The following PRPF18 variants were observed in gnomAD, a reference collection of about 807,000 sequenced individuals.
PRPF18 encodes pre-mRNA-splicing factor 18.
In PRPF18, 38 loss-of-function variants were observed where a neutral mutation model predicts 46.5. That is an observed-to-expected ratio of 0.82 (90% confidence interval 0.63 to 1.07). The LOEUF (loss-of-function observed/expected upper bound fraction) is 1.07. Among genes scored for constraint, PRPF18 ranks in the 50% least tolerant of loss-of-function variants. The probability of loss-of-function intolerance (pLI) is 0.00; values close to 1 mark genes in which losing one functional copy is unlikely to be tolerated. For synonymous variants in PRPF18, 152 were observed against 146.7 expected, an observed-to-expected ratio of 1.04 and a Z score of -0.26; for missense variants, 263 against 410.0, an observed-to-expected ratio of 0.64 and a Z score of 3.10.
chr10:13,609,990 G>A (rs868762707), intron 4 of PRPF18, 49 bp from the exon 5 acceptor site: 1 of 1,504,990 alleles, frequency 6.6e-7, no homozygotes, highest in Non-Finnish European at 9.1e-7. Flanking sequence ...GAAAAAACAG[G>A]TGTTCTTCCT....
chr10:13,588,576 TAAAAAA>T, intron 1 of PRPF18, among the ~76,000 whole-genome samples: 1 of 127,308 alleles, frequency 7.9e-6, no homozygotes, highest in South Asian at 2.5e-4. Context: ...TCCCTGTCTC[TAAAAAA>T]AAAAAAAAAA....
Position 13,626,823 on chromosome 10 carries a change from A to G in PRPF18, c.949-3437A>G, listed in dbSNP as rs1157459158. On this transcript the variant is annotated intron_variant, in intron 9 of 9. Coordinates refer to ENST00000378572, the MANE Select transcript of PRPF18 (RefSeq NM_003675.4). The stretch of plus-strand genomic sequence containing the variant: ...GTGTGATTTTTTTTTTTTCCCCTCA[A>G]ACAGTGTACACAGAAAACCCGGAAT... 2.0e-5 allele frequency among the ~76,000 whole-genome samples: 3 copies of G among 151,624 alleles called. No homozygotes were observed. The East Asian group carries it at 5.8e-4, about 29-fold the overall frequency.
the PRPF18 span, chr10:13,644,268 A>G: frequency 4.7e-4 from 71 of 152,352 alleles, 1 homozygote; most frequent in African/African-American, 1.7e-3. Flanking sequence ...ATATCAGACC[A>G]AGGACTTCGT....
Position 13,616,364 on chromosome 10 carries a change from G to A in PRPF18, c.793-34G>A, listed in dbSNP as rs374566086. 4.7e-5 allele frequency: 74 copies of A among 1,564,348 alleles called. 1 individual carries two copies. In the Middle Eastern group the frequency reaches 5.1e-4, roughly 11 times the overall value. ...GAATTTGAGCCAGTACAACATTTTC[G>A]CCTTTCTGATTTCTTCTTACACTTT... On this transcript the variant is annotated intron_variant, in intron 8 of 9. Coordinates refer to ENST00000378572, the MANE Select transcript of PRPF18 (RefSeq NM_003675.4).
chr10:13,609,549 G>A (rs982135951), intron 4 of PRPF18, among the ~76,000 whole-genome samples: 4 of 152,184 alleles, frequency 2.6e-5, no homozygotes, highest in African/African-American at 4.8e-5. Flanking sequence ...TGCATAAAAT[G>A]CGAATTTGCT....
the PRPF18 span, among the ~76,000 whole-genome samples, chr10:13,650,006 A>AGAATCTGT: frequency 6.6e-6 from 1 of 152,266 alleles, no homozygotes; most frequent in East Asian, 1.9e-4. Context: ...TGGTGACTTC[A>AGAATCTGT]GAATCTGTGG....
the PRPF18 span, chr10:13,654,356 C>G: frequency 9.4e-7 from 1 of 1,064,970 alleles, no homozygotes. Context: ...TCACCAGGAT[C>G]TGAACGTCTA....
At chr10:13,630,139 A>G in intron 9 of PRPF18, 121 bp from the exon 10 acceptor site, 1 of 765,524 alleles carries the variant, frequency 1.3e-6, no homozygotes, top group East Asian at 2.6e-5. Flanking sequence ...ATCTGAGTGA[A>G]TTTGCTTGGG....
rs763324655 is a variant in PRPF18 at position 13,616,418 on chromosome 10, G to T, written c.813G>T (p.Gln271His). 6.2e-7 allele frequency: 1 copy of T among 1,610,360 alleles called. No individual in the cohort carries two copies. Among genetic ancestry groups the T allele is most frequent in the Non-Finnish European group, 8.5e-7 (1 of 1,177,704 alleles). The change falls in exon 9 of 10, where the codon CAG becomes CAT. Residue 271 changes from glutamine (Q) to histidine (H), a missense_variant. Transcript: ENST00000378572. Reference protein sequence around the residue: ...EYVKANDAYLQMAIGNAPWPI... With the variant: ...EYVKANDAYLHMAIGNAPWPI... ...TTCAGGCAAATGATGCTTATCTTCA[G>T]ATGGCCATTGGAAATGCGCCTTGGC... is the stretch of plus-strand genomic sequence containing the variant.
chr10:13,623,269 A>G (rs2080447140), intron 9 of PRPF18, among the ~76,000 whole-genome samples: 1 of 152,228 alleles, frequency 6.6e-6, no homozygotes, highest in Non-Finnish European at 1.5e-5. Context: ...GCATGACTAC[A>G]AATGTTAGTT....
At chr10:13,612,113 C>A (rs1263510574) in intron 6 of PRPF18, among the ~76,000 whole-genome samples, 2 of 152,144 alleles carry the variant, frequency 1.3e-5, no homozygotes, top group Non-Finnish European at 2.9e-5. Flanking sequence ...CTCCTGACCT[C>A]AGGTGATCCA....
At chr10:13,590,302 G>T (rs1281982194) in intron 1 of PRPF18, among the ~76,000 whole-genome samples, 2 of 151,740 alleles carry the variant, frequency 1.3e-5, no homozygotes, top group Non-Finnish European at 2.9e-5. Context: ...TACATGAAAT[G>T]GGAATTAAAA....
chr10:13,620,333 C>T (rs921274274), intron 9 of PRPF18, among the ~76,000 whole-genome samples: 5 of 152,156 alleles, frequency 3.3e-5, no homozygotes, highest in South Asian at 2.1e-4. Context: ...AATGTATGAA[C>T]GAACCCAAAA....
At chr10:13,635,128 A>G (rs546050198), downstream of PRPF18, among the ~76,000 whole-genome samples, 3 of 152,132 alleles carry the variant, frequency 2.0e-5, no homozygotes, top group Non-Finnish European at 4.4e-5. Context: ...GCTCCTACTT[A>G]CAAGTGAGAA....
chr10:13,647,999 A>C, the PRPF18 span: 2 of 148,806 alleles, frequency 1.3e-5, no homozygotes, highest in Admixed American at 1.3e-4. Flanking sequence ...GGTGAGTTTT[A>C]GGAGCATTTC....
the PRPF18 span, chr10:13,654,285 T>C: frequency 1.4e-6 from 1 of 716,882 alleles, no homozygotes; most frequent in South Asian, 1.6e-5. Context: ...GGGCTTCTCT[T>C]GAAAGGAAGA....
intron 9 of PRPF18, 50 bp from the exon 10 acceptor site, chr10:13,630,210 G>C: frequency 2.1e-6 from 3 of 1,422,028 alleles, no homozygotes; most frequent in Non-Finnish European, 3.0e-6. Context: ...AGGCAGTTAA[G>C]AATAATTTAA....
rs142425237 is a variant in PRPF18, at chr10:13,620,717, T to C, written c.948+4164T>C. On this transcript the variant is annotated intron_variant, in intron 9 of 9. Transcript: ENST00000378572. ...TAATTATTTTTTTATTTAGAAATACTGGTGAAAAATATGTTTTATGAAATA... is the reference window on the plus strand; with the variant it reads ...TAATTATTTTTTTATTTAGAAATACCGGTGAAAAATATGTTTTATGAAATA... Among the ~76,000 whole-genome samples, 136 of 152,348 alleles carry C rather than the reference T, an allele frequency of 8.9e-4. No individual in the cohort carries two copies. In the South Asian group the frequency reaches 0.012, roughly 13 times the overall value.
chr10:13,598,296 AT>A (rs1217998949), intron 2 of PRPF18, among the ~76,000 whole-genome samples: 7 of 152,178 alleles, frequency 4.6e-5, no homozygotes, highest in African/African-American at 1.7e-4. Flanking sequence ...ATCTAGCTTA[AT>A]TTTTAACTCA....
Sources: allele counts gnomAD v4.1 joint callset (sites outside exome capture counted in the v4.1 genomes callset), GRCh38; gene constraint gnomAD v4.1.1; transcripts MANE v1.5; gene names NCBI Gene and HGNC (gene_info 2026-07-23, HGNC 2026-07-21).